Variants in KMT2B observed in about 807,000 individuals in gnomAD.
The protein encoded by KMT2B is histone-lysine N-methyltransferase 2B.
Under a neutral mutation model 255.3 loss-of-function variants are expected in KMT2B, and 22 were observed. The observed-to-expected ratio is 0.09, with a 90% CI of 0.06 to 0.12. The LOEUF (loss-of-function observed/expected upper bound fraction) is 0.12. Ranked by LOEUF, KMT2B falls within the 10% of genes least tolerant of loss-of-function variation. The pLI is 1.00. For synonymous variants in KMT2B, 1,730 were observed against 1,498.1 expected, an observed-to-expected ratio of 1.15 and a Z score of -3.57; for missense variants, 3,149 against 3,737.0, an observed-to-expected ratio of 0.84 and a Z score of 4.10.
chr19:35,736,580 G>A (rs937025693), intron 30 of KMT2B, 110 bp from the exon 31 acceptor site: 161 of 1,305,702 alleles, frequency 1.2e-4, no homozygotes, highest in Middle Eastern at 3.8e-4. Context: ...TAGTATCTGT[G>A]TCTGCGCCTA....
chr19:35,728,560 C>T (rs1271376889), intron 19 of KMT2B, among the ~76,000 whole-genome samples: 1 of 152,044 alleles, frequency 6.6e-6, no homozygotes. Flanking sequence ...GGCATTGGAG[C>T]AGAGCTGGGG....
Position 35,721,801 on chromosome 19 carries a change from G to A in KMT2B, c.2454G>A (p.Met818Ile). The change falls in exon 3 of 37, where the codon ATG becomes ATA. Residue 818 changes from methionine (M) to isoleucine (I), a missense_variant. Physicochemically the swap from Met to Ile is conservative, Grantham distance 10. Around this residue, in one of 18 missense-constraint regions of KMT2B, gnomAD observed 1,188 missense variants for 1,106.4 expected, o/e 1.07. Coordinates refer to ENST00000420124, the MANE Select transcript of KMT2B (RefSeq NM_014727.3). ...AGCAGCAGAAGGTGGCAGCTTCCAT[G>A]CCGGTGAGTGTGGTCCCTGGGCCCA... ...QQQQQKVAASMPLSPGGQMEE... is the reference protein window; with the variant it reads ...QQQQQKVAASIPLSPGGQMEE... 6.3e-7 allele frequency: 1 copy of A among 1,582,150 alleles called. No individual in the cohort carries two copies. Among genetic ancestry groups the A allele is most frequent in the East Asian group, 2.3e-5 (1 of 44,292 alleles).
In KMT2B at chr19:35,726,284, A is replaced by G; in HGVS notation, c.3934A>G (p.Lys1312Glu). The change falls in exon 14 of 37, where the codon AAG becomes GAG. Residue 1312 changes from lysine to glutamate, a missense_variant. By Grantham distance (56) the Lys-to-Glu change is moderately conservative (BLOSUM62 1). Coordinates refer to ENST00000420124, the MANE Select transcript of KMT2B (RefSeq NM_014727.3). ...RCKSCGATPG[K>E]NWDVEWSGDY... is the part of the protein sequence containing the mutation. ...TAAGAGCTGTGGGGCAACTCCAGGC[A>G]AGAACTGGGACGTCGAGTGGTCTGG... is the stretch of plus-strand genomic sequence containing the variant. The G allele has an allele frequency of 6.2e-7, 1 of 1,613,884 alleles. No individual in the cohort carries two copies. The highest frequency in any genetic ancestry group is 1.1e-5 in the South Asian group (1 of 91,084).
rs188605663 is a variant in KMT2B at position 35,737,293 on chromosome 19, C to A, written c.7550+30C>A. On this transcript the variant is annotated intron_variant, in intron 33 of 36. Coordinates refer to ENST00000420124, the MANE Select transcript of KMT2B (RefSeq NM_014727.3). This position sits in a 1 kb window ranked among gnomAD's most constrained non-coding sequence, Gnocchi z 5.3. ...GAGGTCTGGGGTGTGATGCCTGGGT[C>A]AGGGCGCCCCTATGAGAGCTCTTGA... 3 of 1,468,028 alleles carry A rather than the reference C, an allele frequency of 2.0e-6. No individual in the cohort carries two copies. The African/African-American group carries it at 4.3e-5, about 21-fold the overall frequency. 90.9% of individuals were successfully genotyped at this position (1,468,028 alleles called of 1,614,324 possible).
At position 35,722,636 on chromosome 19, in the gene KMT2B, T is replaced by G. The variant is rs774710524; in HGVS notation, c.2640T>G (p.Gly880=). The change falls in exon 5 of 37, where the codon GGT becomes GGG. Residue 880 remains glycine (G), a synonymous_variant. Transcript: ENST00000420124. The stretch of plus-strand genomic sequence containing the variant: ...GCCGTCATGCTGCTGTGGCCCTGGG[T>G]CAGGCCCGGGCCATGGTGCCTGAAG... ...HVCRHAAVAL[G]QARAMVPEDV... 6.2e-7 allele frequency: 1 copy of G among 1,612,708 alleles called. No individual in the cohort carries two copies. Among genetic ancestry groups the G allele is most frequent in the Non-Finnish European group, 8.5e-7 (1 of 1,179,576 alleles).
At position 35,732,881 on chromosome 19, in the gene KMT2B, C is replaced by T. The variant is rs776564345; in HGVS notation, c.6332C>T (p.Ser2111Leu). ...DRARPPEDLP[S>L]EIVDFVLKNL... ...GCCCGGCCTCCTGAGGACCTGCCAT[C>T]GGAAATTGTGGATTTTGTGTTGAAG... The change falls in exon 28 of 37, where the codon TCG becomes TTG. Residue 2111 changes from serine to leucine, a missense_variant. Physicochemically the swap from Ser to Leu is moderately radical, Grantham distance 145 (BLOSUM62 -2). Around this residue, in one of 18 missense-constraint regions of KMT2B, gnomAD observed 897 missense variants for 825.3 expected, o/e 1.09. Coordinates refer to ENST00000420124, the MANE Select transcript of KMT2B (RefSeq NM_014727.3). The T allele has an allele frequency of 8.7e-6, 14 of 1,610,010 alleles. No individual in the cohort carries two copies. The highest frequency in any genetic ancestry group is 2.2e-5 in the South Asian group (2 of 90,642).
intron 30 of KMT2B, chr19:35,736,019 C>T (rs925445540): frequency 2.0e-5 from 3 of 152,816 alleles, no homozygotes; most frequent in Admixed American, 6.5e-5. Flanking sequence ...AATCCCAGCA[C>T]TTTGGGAGGC....
At chr19:35,729,365 G>A in intron 22 of KMT2B, 69 bp downstream of exon 22, 1 of 1,523,804 alleles carries the variant, frequency 6.6e-7, no homozygotes, top group Non-Finnish European at 8.8e-7. Flanking sequence ...GGTGCAAACA[G>A]CTCTTACTTC....
chr19:35,727,291 GCTGCAGC>G lies in KMT2B; in HGVS notation c.4117+25_4117+31del. ...TCAGGTGAGTCAGTGGAGCACCTGG[GCTGCAGC>G]CTCAACCCTGTGGGGACCCCTGCCC... On this transcript the variant is annotated intron_variant, in intron 15 of 36. Transcript: ENST00000420124. This position sits in a 1 kb window ranked among gnomAD's most constrained non-coding sequence, Gnocchi z 4.2. 1 of 1,600,546 alleles carries G rather than the reference GCTGCAGC, an allele frequency of 6.2e-7. No individual in the cohort carries two copies. The highest frequency in any genetic ancestry group is 8.6e-7 in the Non-Finnish European group (1 of 1,168,294).
In KMT2B at chr19:35,730,704, C is replaced by T. The variant is rs1215609344; in HGVS notation, c.5277-3C>T. On this transcript the variant is annotated splice_region_variant and splice_polypyrimidine_tract_variant and intron_variant, in intron 25 of 36. Transcript: ENST00000420124. The stretch of plus-strand genomic sequence containing the variant: ...ATCCTAACCGTCTTATCCCACATGC[C>T]AGGTGCTCCCGTCTGTACTGGAGCA... The T allele has an allele frequency of 6.2e-7, 1 of 1,613,942 alleles. No individual in the cohort carries two copies. The highest frequency in any genetic ancestry group is 1.1e-5 in the South Asian group (1 of 91,082).
At chr19:35,728,628 G>A in intron 19 of KMT2B, 146 bp from the exon 20 acceptor site, 1 of 664,598 alleles carries the variant, frequency 1.5e-6, no homozygotes, top group Admixed American at 2.2e-5. Flanking sequence ...TGGCACAAGA[G>A]GGCCTGGCTT....
In KMT2B at chr19:35,719,948, C is replaced by G. The variant is rs201597731; in HGVS notation, c.601C>G (p.Gln201Glu). ...QALTELLRRA[Q>E]APQAPRSRAC... The stretch of plus-strand genomic sequence containing the variant: ...ACTGACTGAACTTCTCCGGCGGGCC[C>G]AGGCACCCCAAGCACCCCGGAGCCG... The change falls in exon 3 of 37, where the codon CAG becomes GAG. Residue 201 changes from glutamine (Q) to glutamate (E), a missense_variant. This residue lies in a region of KMT2B where 1,188 missense variants were observed against 1,106.4 expected (regional missense o/e 1.07). Transcript: ENST00000420124. The G allele has an allele frequency of 1.2e-6, 2 of 1,613,420 alleles. No homozygotes were observed. The highest frequency in any genetic ancestry group is 2.7e-5 in the African/African-American group (2 of 75,036).
intron 3 of KMT2B, 170 bp from the exon 4 acceptor site, chr19:35,722,189 G>A: frequency 3.9e-6 from 1 of 258,110 alleles, no homozygotes; most frequent in Non-Finnish European, 6.1e-6. Flanking sequence ...ATTTTTAGTA[G>A]AGACAGGGTT....
rs1969522360 is a variant in KMT2B, at chr19:35,727,749, G to A, written c.4354G>A (p.Val1452Met). The A allele has an allele frequency of 1.9e-6, 3 of 1,613,906 alleles. No individual in the cohort carries two copies. The highest frequency in any genetic ancestry group is 2.5e-6 in the Non-Finnish European group (3 of 1,179,892). The change falls in exon 17 of 37, where the codon GTG becomes ATG. Residue 1452 changes from valine to methionine, a missense_variant. Val to Met is a conservative substitution (Grantham distance 21, BLOSUM62 1). Around this residue, in one of 18 missense-constraint regions of KMT2B, gnomAD observed 377 missense variants for 471.0 expected, o/e 0.80. Transcript: ENST00000420124. The surrounding 1 kb of genome is among the most constrained non-coding windows in gnomAD (Gnocchi z 4.2). ...LHPGPCGLQA[V>M]SQRFEDGHYK... The stretch of plus-strand genomic sequence containing the variant: ...CCCAGGACCCTGCGGCCTGCAAGCT[G>A]TGAGTCAGCGCTTCGAGGATGGCCA...
At chr19:35,721,843 T>G (rs922562221) in intron 3 of KMT2B, 39 bp downstream of exon 3, 25 of 1,511,188 alleles carry the variant, frequency 1.7e-5, no homozygotes, top group South Asian at 2.6e-5. Context: ...CACCCAGCCA[T>G]CCAGCCTCCA....
At position 35,718,906 on chromosome 19, in the gene KMT2B, C is replaced by G. The variant is rs543195241; in HGVS notation, c.363+525C>G. Reference sequence around the variant, plus strand: ...GTGGGATGAAGGCCGGGACTGGGCACTCTAGCAGGTCAGAGCTCAGCTCAG... The same window carrying G: ...GTGGGATGAAGGCCGGGACTGGGCAGTCTAGCAGGTCAGAGCTCAGCTCAG... On this transcript the variant is annotated intron_variant, in intron 1 of 36. Transcript: ENST00000420124. This position sits in a 1 kb window ranked among gnomAD's most constrained non-coding sequence, Gnocchi z 5.0. Among the ~76,000 whole-genome samples, 1 of 152,156 alleles carries G rather than the reference C, an allele frequency of 6.6e-6. No homozygotes were observed. The highest frequency in any genetic ancestry group is 2.4e-5 in the African/African-American group (1 of 41,430).
rs778569689 is a variant in KMT2B at position 35,733,915 on chromosome 19, C to T, written c.7159+43C>T. ...CCTCTCCCTCCTTGCCTGTGCCTGG[C>T]TCAGCTGGGTGACTCACAGATGCAA... On this transcript the variant is annotated intron_variant, in intron 30 of 36. Coordinates refer to ENST00000420124, the MANE Select transcript of KMT2B (RefSeq NM_014727.3). This position sits in a 1 kb window ranked among gnomAD's most constrained non-coding sequence, Gnocchi z 4.3. 1.1e-5 allele frequency: 15 copies of T among 1,427,398 alleles called. No individual in the cohort carries two copies. The highest frequency in any genetic ancestry group is 2.3e-5 in the East Asian group (1 of 43,752). 88.4% of individuals were successfully genotyped at this position (1,427,398 alleles called of 1,614,324 possible).
Position 35,729,978 on chromosome 19 carries a change from C to G in KMT2B, c.4929C>G (p.Leu1643=). 1 of 1,613,224 alleles carries G rather than the reference C, an allele frequency of 6.2e-7. No individual in the cohort carries two copies. The highest frequency in any genetic ancestry group is 8.5e-7 in the Non-Finnish European group (1 of 1,179,770). Residue 1643 remains leucine, a synonymous_variant, in exon 23 of 37, where the codon CTC becomes CTG. Transcript: ENST00000420124. ...CCTCCCCTACGCAGCGCTGCGAGCT[C>G]TGCCTGAAGCCTGGCGCCACGGTGG... ...VARGRQMRCE[L]CLKPGATVGC...
At chr19:35,724,810 C>A in intron 9 of KMT2B, 79 bp downstream of exon 9, 1 of 1,309,224 alleles carries the variant, frequency 7.6e-7, no homozygotes, top group East Asian at 2.5e-5. Flanking sequence ...ACCTGAGTGT[C>A]GTGGTGTGTC....
Sources: gnomAD v4.1 joint callset for allele counts (sites outside exome capture counted in the v4.1 genomes callset) on GRCh38, gnomAD v4.1.1 for gene constraint, gnomAD v4.1.1 regional missense constraint, Gnocchi (gnomAD v3.1) non-coding constraint, MANE v1.5 for transcripts, NCBI Gene and HGNC (gene_info 2026-07-23, HGNC 2026-07-21) for gene names.